DNAH3: variants seen among roughly 807,000 people sequenced by gnomAD.
DNAH3 encodes dynein axonemal heavy chain 3.
Under a neutral mutation model 432.5 loss-of-function variants are expected in DNAH3, and 332 were observed. The ratio of observed to expected loss-of-function variants is 0.77; its 90% CI spans 0.70 to 0.84. DNAH3 has a LOEUF of 0.84. Ranked by LOEUF, DNAH3 falls within the 40% of genes least tolerant of loss-of-function variation. The probability of loss-of-function intolerance (pLI) is 0.00; values close to 1 mark genes in which losing one functional copy is unlikely to be tolerated. For missense variants in DNAH3, 4,861 were observed against 5,114.0 expected, an observed-to-expected ratio of 0.95 and a Z score of 1.51; for synonymous variants, 1,956 against 1,900.2, an observed-to-expected ratio of 1.03 and a Z score of -0.76.
chr16:21,004,841 A>G (rs1214158488), intron 41 of DNAH3, among the ~76,000 whole-genome samples: 7 of 152,120 alleles, frequency 4.6e-5, no homozygotes, highest in African/African-American at 1.4e-4. Context: ...AGTTTAGACC[A>G]ATTTCATTGA....
chr16:21,081,350 G>C (rs2091177533), intron 20 of DNAH3, among the ~76,000 whole-genome samples: 1 of 150,858 alleles, frequency 6.6e-6, no homozygotes, highest in Non-Finnish European at 1.5e-5. Context: ...ATCACTGAGA[G>C]CTGGGCTTGA....
chr16:20,983,681 G>A (rs1216475250), intron 48 of DNAH3, among the ~76,000 whole-genome samples: 5 of 151,958 alleles, frequency 3.3e-5, no homozygotes, highest in Admixed American at 6.6e-5. Context: ...TGGTGGAAGG[G>A]AGCATGATGT....
intron 57 of DNAH3, among the ~76,000 whole-genome samples, 198 bp from the exon 58 acceptor site, chr16:20,944,861 A>C (rs1017857619): frequency 6.6e-6 from 1 of 152,044 alleles, no homozygotes; most frequent in Non-Finnish European, 1.5e-5. Flanking sequence ...TGGGCATGAA[A>C]GCAGATGAGA....
At chr16:20,988,925 C>G (rs1234814747) in intron 44 of DNAH3, among the ~76,000 whole-genome samples, 1 of 152,102 alleles carries the variant, frequency 6.6e-6, no homozygotes, top group Non-Finnish European at 1.5e-5. Flanking sequence ...GGCGGCATGT[C>G]TGGAGTTATT....
At chr16:21,051,785 A>T in exon 29 of DNAH3, 1 of 1,614,056 alleles carries the variant, frequency 6.2e-7, no homozygotes, top group Non-Finnish European at 8.5e-7. Context: ...TTGGCCACCC[A>T]GTAGTAGCGC....
At chr16:21,020,397 A>ATTTTTTTTTTTTTTT (rs56049638) in intron 40 of DNAH3, among the ~76,000 whole-genome samples, 1 of 34,594 alleles carries the variant, frequency 2.9e-5, no homozygotes, top group East Asian at 1.7e-3. Context: ...ATATATATAT[A>ATTTTTTTTTTTTTTT]TTTTTTTTTT....
rs1291835937 is a variant in DNAH3, at chr16:21,019,636, A to G, written c.6010T>C (p.Phe2004Leu). The G allele has an allele frequency of 3.1e-6, 5 of 1,614,150 alleles. No homozygotes were observed. The Admixed American group carries it at 5.0e-5, about 16-fold the overall frequency. Residue 2004 changes from phenylalanine to leucine, a missense_variant, in exon 41 of 62, where the codon TTT (phenylalanine) becomes CTT (leucine). Physicochemically the swap from Phe to Leu is conservative, Grantham distance 22 (BLOSUM62 0). Coordinates refer to ENST00000261383, the Ensembl canonical transcript of DNAH3. ...GGTTCTAAATTACCTCTTTCTGGAA[A>G]GATGTTGTTTTTGGTGAGTTTGACG...
chr16:20,969,939 G>A, exon 52 of DNAH3: 1 of 1,614,174 alleles, frequency 6.2e-7, no homozygotes. Flanking sequence ...AGAGCAGCTA[G>A]TGCAGCCTCG....
chr16:20,946,264 G>A (rs1184779363), intron 57 of DNAH3, among the ~76,000 whole-genome samples: 1 of 152,172 alleles, frequency 6.6e-6, no homozygotes, highest in African/African-American at 2.4e-5. Context: ...TCATAACCCA[G>A]GCATTCCTTT....
At chr16:20,990,828 T>A (rs1236986718) in intron 44 of DNAH3, among the ~76,000 whole-genome samples, 1 of 152,074 alleles carries the variant, frequency 6.6e-6, no homozygotes, top group Admixed American at 6.5e-5. Flanking sequence ...GAGACCAGCC[T>A]GGCCAGCATG....
intron 44 of DNAH3, among the ~76,000 whole-genome samples, chr16:20,989,993 G>A (rs1250543409): frequency 6.6e-6 from 1 of 152,198 alleles, no homozygotes; most frequent in Admixed American, 6.5e-5. Flanking sequence ...CAAGCGCCGC[G>A]CGCAGCCCCG....
intron 42 of DNAH3, among the ~76,000 whole-genome samples, chr16:21,002,749 C>T (rs2087088474): frequency 6.6e-6 from 1 of 152,154 alleles, no homozygotes; most frequent in Non-Finnish European, 1.5e-5. Context: ...ATGTGAGCCA[C>T]TGCGCCTGGC....
At chr16:20,980,556 T>C (rs1479499725) in intron 49 of DNAH3, among the ~76,000 whole-genome samples, 1 of 151,152 alleles carries the variant, frequency 6.6e-6, no homozygotes, top group Admixed American at 6.6e-5. Flanking sequence ...GCACTTTTAG[T>C]AGAGATGGTG....
At chr16:20,960,404 G>A (rs1270794773) in intron 53 of DNAH3, among the ~76,000 whole-genome samples, 14 of 152,116 alleles carry the variant, frequency 9.2e-5, no homozygotes, top group African/African-American at 3.4e-4. Context: ...CCAGACCTTT[G>A]GCCAGATGTG....
chr16:21,081,582 A>G, intron 20 of DNAH3, 54 bp downstream of exon 20: 1 of 1,434,908 alleles, frequency 7.0e-7, no homozygotes, highest in Non-Finnish European at 9.8e-7. Context: ...TCACTGTGGG[A>G]ACTTACAGAT....
At position 21,034,065 on chromosome 16, in the gene DNAH3, C is replaced by T. The variant is rs564206489; in HGVS notation, c.5106G>A (p.Val1702=). Residue 1702 remains valine (V), a synonymous_variant, in exon 36 of 62, where the codon GTG becomes GTA. Coordinates refer to ENST00000261383, the Ensembl canonical transcript of DNAH3. ...CTCCTACAATCATATAGCCATGTCT[C>T]ACCAGCATCATTTCGTAGATCTGGG... is the stretch of plus-strand genomic sequence containing the variant. The T allele has an allele frequency of 9.7e-5, 156 of 1,612,882 alleles. No homozygotes were observed. The South Asian group carries it at 1.5e-3, about 16-fold the overall frequency.
In DNAH3 at chr16:21,098,270, T is replaced by C. The variant is rs185331590; in HGVS notation, c.2520+346A>G. On this transcript the variant is annotated intron_variant, in intron 17 of 61. Transcript: ENST00000261383. ...CAGCCTGGCCAACATGGCAAAACTC[T>C]CTATTAAAAATACAAAAAATGAGCT... Among the ~76,000 whole-genome samples, 63 of 151,704 alleles carry C rather than the reference T, an allele frequency of 4.2e-4. 1 individual carries two copies. The East Asian group carries it at 9.1e-3, about 22-fold the overall frequency.
intron 18 of DNAH3, among the ~76,000 whole-genome samples, chr16:21,088,456 G>A (rs1201822340): frequency 2.6e-5 from 4 of 152,210 alleles, no homozygotes; most frequent in African/African-American, 4.8e-5. Flanking sequence ...AGGAGTAGTA[G>A]TAGCATTTCT....
At chr16:20,963,230 T>A (rs1294855725) in intron 53 of DNAH3, 54 bp downstream of exon 53, 1 of 1,529,308 alleles carries the variant, frequency 6.5e-7, no homozygotes, top group African/African-American at 1.4e-5. Flanking sequence ...GCTACTGATA[T>A]CCACCCACAC....
Sources: gnomAD v4.1 joint callset for allele counts (sites outside exome capture counted in the v4.1 genomes callset) on GRCh38, gnomAD v4.1.1 for gene constraint, MANE v1.5 for transcripts, NCBI Gene and HGNC (gene_info 2026-07-23, HGNC 2026-07-21) for gene names.